The following SNX12 variants were observed in gnomAD, a reference collection of about 807,000 sequenced individuals.
The protein encoded by SNX12 is sorting nexin 12.
For synonymous variants in SNX12, 47 were observed against 56.0 expected (o/e 0.84, Z 0.71); for missense variants, 62 against 141.3 (o/e 0.44, Z 2.84).
chrX:71,068,610 C>T (rs192536742), upstream of SNX12, among the ~76,000 whole-genome samples: 2 of 113,065 alleles, frequency 1.8e-5, no homozygotes, highest in Admixed American at 1.9e-4. Flanking sequence ...TGCCTAGCAG[C>T]ACAGGCTGGC....
In SNX12 at chrX:71,060,998, A is replaced by G. The variant is rs1351314641; in HGVS notation, c.*18T>C. On this transcript the variant is annotated 3_prime_UTR_variant, in exon 4 of 4. Coordinates refer to ENST00000374274, the MANE Select transcript of SNX12 (RefSeq NM_013346.4). ...TCATTTCAGCAGGAAAGTAGAGGGCAGGTGGTGAGAGGGGCTCCTACTGGC... is the reference window on the plus strand; with the variant it reads ...TCATTTCAGCAGGAAAGTAGAGGGCGGGTGGTGAGAGGGGCTCCTACTGGC... 13 of 1,117,691 alleles carry G rather than the reference A, an allele frequency of 1.2e-5. No homozygotes were observed. In the African/African-American group the frequency reaches 1.6e-4, roughly 14 times the overall value. 92.1% of individuals were successfully genotyped at this position (1,117,691 alleles called of 1,213,427 possible). A position where few individuals can be genotyped will look rare whatever the true frequency, so the allele number is the denominator to read the frequency against.
In SNX12 at chrX:71,062,860, A is replaced by C. The variant is rs754083751; in HGVS notation, c.255T>G (p.Asp85Glu). Residue 85 changes from aspartate to glutamate, a missense_variant, in exon 2 of 4, where the codon GAT (aspartate) becomes GAG (glutamate). Transcript: ENST00000374274. ...ACAGAGAACAAAGCCATACCTTGCT[A>C]TCTCTCTCCAGCTCATTTTTCAGCC... ...FEWLKNELER[D>E]SKIVVPPLPG... 11 of 1,196,662 alleles carry C rather than the reference A, an allele frequency of 9.2e-6. No homozygotes were observed. The highest frequency in any genetic ancestry group is 5.3e-5 in the South Asian group (3 of 56,531).
chrX:71,071,519 A>T (rs866991948), upstream of SNX12, among the ~76,000 whole-genome samples: 1 of 41,428 alleles, frequency 2.4e-5, no homozygotes, highest in Non-Finnish European at 4.0e-5. Flanking sequence ...ATATTAATTT[A>T]TATATATATT....
At chrX:71,073,375 G>C, upstream of SNX12, 1 of 111,923 alleles carries the variant, frequency 8.9e-6, no homozygotes. Flanking sequence ...ATACTGAAAA[G>C]AACTTCTTTC....
chrX:71,062,130 G>C lies in SNX12; in HGVS notation c.262-163C>G, dbSNP rs186701483. Among the ~76,000 whole-genome samples the C allele has an allele frequency of 1.3e-4, 15 of 111,466 alleles. No homozygotes were observed. The East Asian group carries it at 4.3e-3, about 32-fold the overall frequency. Reference sequence around the variant, plus strand: ...CCATAAGAACAGTCAGGATGGCTCAGGTCAAAAATTAATCCGTTTCTGTGG... The same window carrying C: ...CCATAAGAACAGTCAGGATGGCTCACGTCAAAAATTAATCCGTTTCTGTGG... On this transcript the variant is annotated intron_variant, in intron 2 of 3. Transcript: ENST00000374274.
At position 71,060,739 on chromosome X, in the gene SNX12, A is replaced by T; in HGVS notation, c.*277T>A. On this transcript the variant is annotated 3_prime_UTR_variant, in exon 4 of 4. Coordinates refer to ENST00000374274, the MANE Select transcript of SNX12 (RefSeq NM_013346.4). The stretch of plus-strand genomic sequence containing the variant: ...CCCAGGTTAGCCTTCTGGCATGGGT[A>T]AATGCCCAAGAAATTGCCTTCCAGT... The T allele has an allele frequency of 7.2e-6, 2 of 278,204 alleles. No individual in the cohort carries two copies. The highest frequency in any genetic ancestry group is 6.6e-5 in the East Asian group (1 of 15,234). The allele number at this position is 278,204 out of a possible 1,213,427, so 22.9% of individuals were successfully genotyped here. A position where few individuals can be genotyped will look rare whatever the true frequency, so the allele number is the denominator to read the frequency against.
chrX:71,069,959 GGAAAA>G (rs10591110), upstream of SNX12, among the ~76,000 whole-genome samples: 25,202 of 95,518 alleles, frequency 0.26, 2,719 homozygotes, highest in Middle Eastern at 0.48. Flanking sequence ...AGAAAGAAAA[GGAAAA>G]GAAAAGAGAG....
rs747969452 is a variant in SNX12, at chrX:71,068,031, A to AC, written c.165+110dup. On this transcript the variant is annotated intron_variant, in intron 1 of 3. Coordinates refer to ENST00000374274, the MANE Select transcript of SNX12 (RefSeq NM_013346.4). Reference sequence around the variant, plus strand: ...CTATTATACCCCTAACCCCCAAATGACCCCTAAGGCGTCTTCCCCGCCGTT... The same window carrying AC: ...CTATTATACCCCTAACCCCCAAATGACCCCCTAAGGCGTCTTCCCCGCCGTT... 18 of 624,132 alleles carry AC rather than the reference A, an allele frequency of 2.9e-5. No homozygotes were observed. The South Asian group carries it at 6.0e-4, about 21-fold the overall frequency. The allele number at this position is 624,132 out of a possible 1,213,427, so 51.4% of individuals were successfully genotyped here.
intron 1 of SNX12, among the ~76,000 whole-genome samples, chrX:71,066,125 C>T (rs1602272051): frequency 8.9e-6 from 1 of 112,438 alleles, no homozygotes; most frequent in Non-Finnish European, 1.9e-5. Flanking sequence ...TGTTCAAATT[C>T]CAGCCCTGTC....
At position 71,060,739 on chromosome X, in the gene SNX12, A is replaced by C; in HGVS notation, c.*277T>G. ...CCCAGGTTAGCCTTCTGGCATGGGT[A>C]AATGCCCAAGAAATTGCCTTCCAGT... On this transcript the variant is annotated 3_prime_UTR_variant, in exon 4 of 4. Transcript: ENST00000374274. 1.1e-5 allele frequency: 3 copies of C among 278,200 alleles called. No homozygotes were observed. Among genetic ancestry groups the C allele is most frequent in the Non-Finnish European group, 1.3e-5 (2 of 157,173 alleles). 22.9% of individuals were successfully genotyped at this position (278,200 alleles called of 1,213,427 possible). A position where few individuals can be genotyped will look rare whatever the true frequency, so the allele number is the denominator to read the frequency against.
intron 1 of SNX12, among the ~76,000 whole-genome samples, chrX:71,065,894 G>A (rs972409504): frequency 2.8e-5 from 3 of 106,682 alleles, no homozygotes; most frequent in East Asian, 3.0e-4. Flanking sequence ...CAGGAGAATC[G>A]CCTGAACCTG....
At chrX:71,071,543 AT>A (rs1362310881), upstream of SNX12, among the ~76,000 whole-genome samples, 21 of 34,727 alleles carry the variant, frequency 6.0e-4, no homozygotes, top group Non-Finnish European at 8.0e-4. Flanking sequence ...ATTTATATAT[AT>A]TATATATAAA....
rs764741794 is a variant in SNX12 at position 71,063,496 on chromosome X, C to CA, written c.166-548dup. Among the ~76,000 whole-genome samples the CA allele has an allele frequency of 3.9e-3, 241 of 61,709 alleles. 1 individual carries two copies. The highest frequency in any genetic ancestry group is 5.1e-3 in the African/African-American group (80 of 15,825). 53.6% of individuals were successfully genotyped at this position (61,709 alleles called of 115,157 possible). A position where few individuals can be genotyped will look rare whatever the true frequency, so the allele number is the denominator to read the frequency against. The stretch of plus-strand genomic sequence containing the variant: ...TGAGAGACAGAGTGAGATTCTGTCT[C>CA]AAAAAAAAAAAAAAGAGTTTCACTG... On this transcript the variant is annotated intron_variant, in intron 1 of 3. Coordinates refer to ENST00000374274, the MANE Select transcript of SNX12 (RefSeq NM_013346.4).
At chrX:71,073,035 T>TACAC (rs56242437), upstream of SNX12, among the ~76,000 whole-genome samples, 6,619 of 89,909 alleles carry the variant, frequency 0.074, 432 homozygotes, top group African/African-American at 0.2. Context: ...TTATCACACA[T>TACAC]ACACACACAC....
chrX:71,068,340 G>A, upstream of SNX12: 1 of 1,146,962 alleles, frequency 8.7e-7, no homozygotes, highest in African/African-American at 1.8e-5. Flanking sequence ...CGGGGAAAGG[G>A]GGTGGGGGAC....
At chrX:71,068,427 GCACGCGCGCC>G (rs1001248649), upstream of SNX12, 21 of 577,971 alleles carry the variant, frequency 3.6e-5, no homozygotes, top group Admixed American at 3.5e-4. Flanking sequence ...GCGGCGGCGC[GCACGCGCGCC>G]CACGCACGCA....
chrX:71,071,327 T>A (rs1226373314), upstream of SNX12, among the ~76,000 whole-genome samples: 1 of 98,721 alleles, frequency 1.0e-5, no homozygotes, highest in Non-Finnish European at 2.0e-5. Context: ...AATATTGTAG[T>A]ATGATATCAC....
In SNX12 at chrX:71,068,123, C is replaced by T. The variant is rs776632070; in HGVS notation, c.165+19G>A. The T allele has an allele frequency of 3.4e-6, 4 of 1,183,381 alleles. No individual in the cohort carries two copies. The highest frequency in any genetic ancestry group is 3.6e-5 in the African/African-American group (2 of 55,163). ...CCGCCCGGTCCTCCCTCAGCTGTCT[C>T]CCTCACCCCGTGACTCACCCGCATG... On this transcript the variant is annotated intron_variant, in intron 1 of 3. Transcript: ENST00000374274.
chrX:71,062,681 C>T (rs1472275301), intron 2 of SNX12, among the ~76,000 whole-genome samples, 173 bp downstream of exon 2: 1 of 112,024 alleles, frequency 8.9e-6, no homozygotes, highest in Non-Finnish European at 1.9e-5. Flanking sequence ...CCAGAACTTA[C>T]CACTTTCAAG....
Sources: allele counts gnomAD v4.1 joint callset (sites outside exome capture counted in the v4.1 genomes callset), GRCh38; gene constraint gnomAD v4.1.1; transcripts MANE v1.5; gene names NCBI Gene and HGNC (gene_info 2026-07-23, HGNC 2026-07-21).